The following PXN variants were observed in gnomAD, a reference collection of about 807,000 sequenced individuals.
The protein encoded by PXN is testicular tissue protein Li 134.
A neutral mutation model predicts 103.6 loss-of-function variants in PXN; 61 were observed. The observed-to-expected ratio is 0.59, with a 90% CI of 0.48 to 0.73. PXN has a LOEUF of 0.73. PXN is among the 30% of genes least tolerant of loss of function. The probability of loss-of-function intolerance (pLI) is 0.00; values close to 1 mark genes in which losing one functional copy is unlikely to be tolerated. For synonymous variants in PXN, 562 were observed against 607.8 expected, an observed-to-expected ratio of 0.92 and a Z score of 1.11; for missense variants, 1,274 against 1,460.3, an observed-to-expected ratio of 0.87 and a Z score of 2.08.
rs773378984 is a variant in PXN, at chr12:120,223,838, G to A, written c.241-5C>T. ...CACAGGTGATGAGGACTGAGGCTGC[G>A]AGAAGGAGAATGCTCAGAGGCTACC... On this transcript the variant is annotated splice_region_variant and splice_polypyrimidine_tract_variant and intron_variant, in intron 2 of 14. Coordinates refer to ENST00000637617, the MANE Select transcript of PXN (RefSeq NM_001385981.1). 1.3e-5 allele frequency: 21 copies of A among 1,577,598 alleles called. No individual in the cohort carries two copies. The highest frequency in any genetic ancestry group is 1.8e-5 in the Admixed American group (1 of 56,620).
At chr12:120,257,144 A>AC (rs1221071463) in intron 1 of PXN, among the ~76,000 whole-genome samples, 1 of 151,926 alleles carries the variant, frequency 6.6e-6, no homozygotes, top group African/African-American at 2.4e-5. Context: ...GGAGGGTTCC[A>AC]CCCCCCTTGC....
At chr12:120,231,096 G>A (rs1432428877) in intron 1 of PXN, among the ~76,000 whole-genome samples, 1 of 152,186 alleles carries the variant, frequency 6.6e-6, no homozygotes, top group African/African-American at 2.4e-5. Context: ...AGGGGAGCCA[G>A]GATGCCCTGA....
Position 120,222,995 on chromosome 12 carries a change from G to A in PXN, c.361C>T (p.Pro121Ser). The change falls in exon 4 of 15, where the codon CCC becomes TCC. Residue 121 changes from proline (P) to serine (S), a missense_variant. Pro to Ser is a moderately conservative substitution (Grantham distance 74). Around this residue, in one of 2 missense-constraint regions of PXN, gnomAD observed 1,178 missense variants for 1,309.0 expected, o/e 0.90. Transcript: ENST00000637617. The surrounding 1 kb of genome is among the most constrained non-coding windows in gnomAD (Gnocchi z 4.7). Reference protein sequence around the residue: ...VGEEEHVYSFPNKQKSAEPSP... With the variant: ...VGEEEHVYSFSNKQKSAEPSP... ...GGCTCAGCTGATTTCTGCTTGTTGG[G>A]GAAGCTTTGAGAGGCAAAGGAAAGA... 3 of 1,613,914 alleles carry A rather than the reference G, an allele frequency of 1.9e-6. No homozygotes were observed. Among genetic ancestry groups the A allele is most frequent in the Non-Finnish European group, 2.5e-6 (3 of 1,179,886 alleles).
rs750038557 is a variant in PXN, at chr12:120,212,591, G to A, written c.2980-11C>T. 4 of 1,608,132 alleles carry A rather than the reference G, an allele frequency of 2.5e-6. No homozygotes were observed. Among genetic ancestry groups the A allele is most frequent in the South Asian group, 2.2e-5 (2 of 90,896 alleles). ...TGGCGTGAAGCATTCCTGCCAGGCG[G>A]AGAGAGGGGCTCAGGGAGCTGCCCC... On this transcript the variant is annotated splice_polypyrimidine_tract_variant and intron_variant, in intron 14 of 14. Coordinates refer to ENST00000637617, the MANE Select transcript of PXN (RefSeq NM_001385981.1). This position sits in a 1 kb window ranked among gnomAD's most constrained non-coding sequence, Gnocchi z 7.2.
At position 120,247,028 on chromosome 12, in the gene PXN, T is replaced by TA. The variant is rs1029108604; in HGVS notation, c.13+18588dup. ...GGGTGACAGCAAGACCCTGTCTCTA[T>TA]AAAAAAAAATTTTAAAAAAAAGAAG... On this transcript the variant is annotated intron_variant, in intron 1 of 14. Coordinates refer to ENST00000637617, the MANE Select transcript of PXN (RefSeq NM_001385981.1). Among the ~76,000 whole-genome samples the TA allele has an allele frequency of 6.4e-4, 95 of 149,392 alleles. 1 individual carries two copies. The highest frequency in any genetic ancestry group is 1.3e-3 in the Admixed American group (19 of 15,054).
chr12:120,256,411 A>AAGAAG, intron 1 of PXN, among the ~76,000 whole-genome samples: 1 of 152,186 alleles, frequency 6.6e-6, no homozygotes, highest in East Asian at 1.9e-4. Context: ...AGAAAAGAGA[A>AAGAAG]AGAAGAGAAG....
At chr12:120,260,676 A>G (rs1043871337) in intron 1 of PXN, among the ~76,000 whole-genome samples, 2 of 152,198 alleles carry the variant, frequency 1.3e-5, no homozygotes, top group Non-Finnish European at 2.9e-5. Flanking sequence ...ACAGAAGTGT[A>G]AAGAATGCAC....
chr12:120,216,989 G>T lies in PXN; in HGVS notation c.1844C>A (p.Ala615Glu), dbSNP rs530268006. ...GATGCCCAGCCGCCCCTGCAGCTCCGCGATGAGCTGTTCCTGGGATGGGGT... is the reference window on the plus strand; with the variant it reads ...GATGCCCAGCCGCCCCTGCAGCTCCTCGATGAGCTGTTCCTGGGATGGGGT... ...SRTPSQEQLI[A>E]ELQGRLGIQP... The change falls in exon 8 of 15, where the codon GCG becomes GAG. Residue 615 changes from alanine (A) to glutamate (E), a missense_variant. Physicochemically the swap from Ala to Glu is moderately radical, Grantham distance 107. Transcript: ENST00000637617. The surrounding 1 kb of genome is among the most constrained non-coding windows in gnomAD (Gnocchi z 5.1). The T allele has an allele frequency of 1.2e-5, 19 of 1,556,306 alleles. 1 individual carries two copies. The South Asian group carries it at 2.1e-4, about 17-fold the overall frequency.
Position 120,215,912 on chromosome 12 carries a change from T to C in PXN, c.2302-251A>G. ...AAATGGCAAGGGGAGGTGGCCGGGC[T>C]CAGTGATGAGGCCTCACCGGGCGCT... On this transcript the variant is annotated intron_variant, in intron 9 of 14. Transcript: ENST00000637617. This position sits in a 1 kb window ranked among gnomAD's most constrained non-coding sequence, Gnocchi z 4.9. 1 of 1,394,294 alleles carries C rather than the reference T, an allele frequency of 7.2e-7. No homozygotes were observed. Among genetic ancestry groups the C allele is most frequent in the South Asian group, 1.7e-5 (1 of 58,294 alleles). The allele number at this position is 1,394,294 out of a possible 1,614,324, so 86.4% of individuals were successfully genotyped here.
At chr12:120,231,472 C>T (rs1484928431) in intron 1 of PXN, among the ~76,000 whole-genome samples, 8 of 152,180 alleles carry the variant, frequency 5.3e-5, no homozygotes, top group Non-Finnish European at 2.9e-5. Flanking sequence ...CTGCATTTTA[C>T]CCTTACAGCC....
chr12:120,246,868 A>G (rs528790645), intron 1 of PXN, among the ~76,000 whole-genome samples: 63 of 151,850 alleles, frequency 4.1e-4, no homozygotes, highest in South Asian at 4.0e-3. Flanking sequence ...AAAAAAAAAA[A>G]AAAGAAAAAT....
intron 1 of PXN, among the ~76,000 whole-genome samples, chr12:120,235,077 C>T (rs183051530): frequency 1.3e-5 from 2 of 152,134 alleles, no homozygotes; most frequent in Admixed American, 6.5e-5. Flanking sequence ...CAGAGGCAAG[C>T]GAGGGAAGCT....
In PXN at chr12:120,225,515, T is replaced by G. The variant is rs1443092835; in HGVS notation, c.14-1138A>C. The G allele has an allele frequency of 2.6e-5, 4 of 152,278 alleles. No individual in the cohort carries two copies. Among genetic ancestry groups the G allele is most frequent in the Non-Finnish European group, 5.9e-5 (4 of 68,182 alleles). The allele number at this position is 152,278 out of a possible 1,614,324, so 9.4% of individuals were successfully genotyped here. A position where few individuals can be genotyped will look rare whatever the true frequency, so the allele number is the denominator to read the frequency against. ...CTCCGTTAATCCCCCTAATACCCCC[T>G]GTAGCTGGAAATGATTCTCCCCGAA... is the stretch of plus-strand genomic sequence containing the variant. On this transcript the variant is annotated intron_variant, in intron 1 of 14. Coordinates refer to ENST00000637617, the MANE Select transcript of PXN (RefSeq NM_001385981.1). This position sits in a 1 kb window ranked among gnomAD's most constrained non-coding sequence, Gnocchi z 4.4.
At chr12:120,238,323 T>G (rs1889495282) in intron 1 of PXN, among the ~76,000 whole-genome samples, 1 of 152,058 alleles carries the variant, frequency 6.6e-6, no homozygotes, top group Admixed American at 6.6e-5. Context: ...ACTCCAAAGC[T>G]GAGGAAGCAG....
At chr12:120,250,822 G>C (rs1489525084) in intron 1 of PXN, among the ~76,000 whole-genome samples, 2 of 151,556 alleles carry the variant, frequency 1.3e-5, no homozygotes, top group Admixed American at 6.6e-5. Context: ...CCCAGGCCTA[G>C]CTAAGCAACC....
chr12:120,224,336 A>G lies in PXN; in HGVS notation c.55T>C (p.Ser19Pro). ...TCCGACAAGAACACAGGCCGTTTGG[A>G]GATGTGGGAGGTGGTAGACTCCAAG... ...ADLESTTSHISKRPVFLSEET... is the reference protein window; with the variant it reads ...ADLESTTSHIPKRPVFLSEET... The change falls in exon 2 of 15, where the codon TCC becomes CCC. Residue 19 changes from serine (S) to proline (P), a missense_variant. Physicochemically the swap from Ser to Pro is moderately conservative, Grantham distance 74. This residue lies in a region of PXN where 1,178 missense variants were observed against 1,309.0 expected (regional missense o/e 0.90). Transcript: ENST00000637617. The surrounding 1 kb of genome is among the most constrained non-coding windows in gnomAD (Gnocchi z 5.0). 1 of 1,613,838 alleles carries G rather than the reference A, an allele frequency of 6.2e-7. No homozygotes were observed.
At position 120,220,211 on chromosome 12, in the gene PXN, C is replaced by T. The variant is rs765099679; in HGVS notation, c.832-120G>A. On this transcript the variant is annotated intron_variant, in intron 6 of 14. Transcript: ENST00000637617. The surrounding 1 kb of genome is among the most constrained non-coding windows in gnomAD (Gnocchi z 6.1). ...CTGACCAAGGTGGCTGCAAAGCTGA[C>T]GCACAGGACTGACCCTTGAAGGAGA... 8.0e-6 allele frequency: 4 copies of T among 497,386 alleles called. No homozygotes were observed. The highest frequency in any genetic ancestry group is 2.9e-5 in the East Asian group (1 of 34,366). The allele number at this position is 497,386 out of a possible 1,614,324, so 30.8% of individuals were successfully genotyped here. A position where few individuals can be genotyped will look rare whatever the true frequency, so the allele number is the denominator to read the frequency against.
chr12:120,248,700 C>T (rs73415033), intron 1 of PXN: 4 of 152,346 alleles, frequency 2.6e-5, no homozygotes, highest in South Asian at 2.1e-4. Context: ...CAACTAACCT[C>T]GGGCAAGTTG....
chr12:120,251,843 A>C (rs1294709674), intron 1 of PXN, among the ~76,000 whole-genome samples: 2 of 152,084 alleles, frequency 1.3e-5, no homozygotes. Context: ...ACAAACAAAT[A>C]AATGCCAAGA....
Sources: allele counts gnomAD v4.1 joint callset (sites outside exome capture counted in the v4.1 genomes callset), GRCh38; gene constraint gnomAD v4.1.1; regional missense constraint gnomAD v4.1.1; non-coding constraint Gnocchi (gnomAD v3.1); transcripts MANE v1.5; gene names NCBI Gene and HGNC (gene_info 2026-07-23, HGNC 2026-07-21).